The following PRKCZ variants were observed in gnomAD, a reference collection of about 807,000 sequenced individuals.
PRKCZ encodes protein kinase C zeta, also known as protein kinase C zeta type.
A neutral mutation model predicts 79.5 loss-of-function variants in PRKCZ; 33 were observed. The observed-to-expected ratio is 0.41, with a 90% CI of 0.31 to 0.55. PRKCZ has a LOEUF of 0.55. Ranked by LOEUF, PRKCZ falls within the 20% of genes least tolerant of loss-of-function variation. PRKCZ has a pLI of 0.19. For missense variants in PRKCZ, 578 were observed against 813.5 expected, an observed-to-expected ratio of 0.71 and a Z score of 3.52; for synonymous variants, 342 against 320.9, an observed-to-expected ratio of 1.07 and a Z score of -0.70.
In PRKCZ at chr1:2,144,198, T is replaced by A. The variant is rs1384231290; in HGVS notation, c.421-12T>A. 2 of 1,551,334 alleles carry A rather than the reference T, an allele frequency of 1.3e-6. No individual in the cohort carries two copies. The highest frequency in any genetic ancestry group is 1.7e-6 in the Non-Finnish European group (2 of 1,146,762). On this transcript the variant is annotated splice_polypyrimidine_tract_variant and intron_variant, in intron 5 of 17. Coordinates refer to ENST00000378567, the MANE Select transcript of PRKCZ (RefSeq NM_002744.6). ...GTGTGGCCTGGGCCTGACGCTCTGT[T>A]CCCACCTGCAGAGAGCGTACTGCGG...
chr1:2,065,138 T>C (rs1224652725), intron 4 of PRKCZ, among the ~76,000 whole-genome samples: 1 of 152,242 alleles, frequency 6.6e-6, no homozygotes, highest in Non-Finnish European at 1.5e-5. Flanking sequence ...GATTTCCCTT[T>C]TGCGTTGTTT....
intron 3 of PRKCZ, 52 bp from the exon 4 acceptor site, chr1:2,059,489 T>C (rs1660474539): frequency 6.2e-7 from 1 of 1,603,448 alleles, no homozygotes; most frequent in Admixed American, 1.7e-5. Flanking sequence ...CGTGAGACTG[T>C]TGAGTGGCAG....
At chr1:2,088,655 TAGG>T (rs1664950972) in intron 4 of PRKCZ, among the ~76,000 whole-genome samples, 1 of 152,176 alleles carries the variant, frequency 6.6e-6, no homozygotes, top group African/African-American at 2.4e-5. Flanking sequence ...CTCTCCTTTC[TAGG>T]TCAGGCTGTG....
At chr1:2,121,191 T>TGTAA (rs1671811912) in intron 4 of PRKCZ, among the ~76,000 whole-genome samples, 1 of 152,324 alleles carries the variant, frequency 6.6e-6, no homozygotes, top group East Asian at 1.9e-4. Context: ...TACATCCCAA[T>TGTAA]GGCCCCAGAA....
chr1:2,098,893 G>A lies in PRKCZ; in HGVS notation c.335-36369G>A, dbSNP rs200492239. On this transcript the variant is annotated intron_variant, in intron 4 of 17. Transcript: ENST00000378567. ...AGATGGGGTTTCACCATGTTAGCCAGGATGGTCTTGATTTCCTGACCTCGT... is the reference window on the plus strand; with the variant it reads ...AGATGGGGTTTCACCATGTTAGCCAAGATGGTCTTGATTTCCTGACCTCGT... 2.4e-4 allele frequency among the ~76,000 whole-genome samples: 36 copies of A among 152,284 alleles called. No homozygotes were observed. In the East Asian group the frequency reaches 6.4e-3, roughly 27 times the overall value.
intron 4 of PRKCZ, among the ~76,000 whole-genome samples, chr1:2,078,504 A>G (rs186164375): frequency 1.1e-4 from 16 of 152,148 alleles, no homozygotes; most frequent in Non-Finnish European, 4.4e-5. Flanking sequence ...CAGGGTTCTC[A>G]AGTTTCATGA....
intron 5 of PRKCZ, among the ~76,000 whole-genome samples, chr1:2,135,836 A>G (rs1426282132): frequency 3.3e-5 from 5 of 152,176 alleles, no homozygotes; most frequent in African/African-American, 1.2e-4. Context: ...GAGGACACTT[A>G]GCTTATTTTC....
chr1:2,071,415 C>G, intron 4 of PRKCZ: 2 of 394,784 alleles, frequency 5.1e-6, no homozygotes, highest in South Asian at 1.8e-5. Context: ...ACAGTGGGGA[C>G]GCTGCTGGTG....
chr1:2,159,389 G>A (rs1011387904), intron 10 of PRKCZ, among the ~76,000 whole-genome samples: 3 of 152,258 alleles, frequency 2.0e-5, no homozygotes, highest in African/African-American at 7.2e-5. Flanking sequence ...GGTTCTGCTG[G>A]AACATCCAGC....
At chr1:2,076,416 G>A (rs1463785462) in intron 4 of PRKCZ, among the ~76,000 whole-genome samples, 25 of 152,202 alleles carry the variant, frequency 1.6e-4, no homozygotes, top group Admixed American at 1.6e-3. Context: ...TGGGCCTCCA[G>A]AAATGTTTGT....
chr1:2,146,996 A>G (rs1411279713), intron 7 of PRKCZ, among the ~76,000 whole-genome samples: 1 of 151,012 alleles, frequency 6.6e-6, no homozygotes, highest in African/African-American at 2.4e-5. Context: ...CGATCCATCC[A>G]TCTCGTCATC....
chr1:2,171,415 G>T (rs1684412623), intron 11 of PRKCZ: 1 of 149,602 alleles, frequency 6.7e-6, no homozygotes, highest in South Asian at 2.2e-4. Flanking sequence ...ACCCAGGCTG[G>T]AATGCAGTGG....
At chr1:2,080,166 C>T (rs957797233) in intron 4 of PRKCZ, among the ~76,000 whole-genome samples, 5 of 152,178 alleles carry the variant, frequency 3.3e-5, no homozygotes, top group South Asian at 4.1e-4. Flanking sequence ...TTTGCTGTTA[C>T]GGGTTTTTTG....
chr1:2,056,621 C>T (rs1227789450), intron 3 of PRKCZ, 48 bp downstream of exon 3: 1 of 1,516,318 alleles, frequency 6.6e-7, no homozygotes, highest in Admixed American at 1.7e-5. Context: ...CTGTTCCTGG[C>T]TGTGGGTGTC....
rs1663825360 is a variant in PRKCZ, at chr1:2,082,868, T to TGAGGGAGAGGGTGGAGGGGG, written c.334+23278_334+23279insAGGGAGAGGGTGGAGGGGGG. On this transcript the variant is annotated intron_variant, in intron 4 of 17. Transcript: ENST00000378567. The surrounding 1 kb of genome is among the most constrained non-coding windows in gnomAD (Gnocchi z 4.4). The stretch of plus-strand genomic sequence containing the variant: ...GGGCGTGAGGGAGAGGGTGGAGGGG[T>TGAGGGAGAGGGTGGAGGGGG]GGTGTGAGGGTGCAAGGGAGAGGGT... Among the ~76,000 whole-genome samples the TGAGGGAGAGGGTGGAGGGGG allele has an allele frequency of 7.4e-6, 1 of 135,680 alleles. No individual in the cohort carries two copies. Among genetic ancestry groups the TGAGGGAGAGGGTGGAGGGGG allele is most frequent in the African/African-American group, 2.8e-5 (1 of 35,416 alleles). 89.0% of individuals were successfully genotyped at this position (135,680 alleles called of 152,430 possible).
chr1:2,058,195 G>T (rs533715299), intron 3 of PRKCZ, among the ~76,000 whole-genome samples: 1 of 151,916 alleles, frequency 6.6e-6, no homozygotes, highest in Non-Finnish European at 1.5e-5. Flanking sequence ...TAGAGATGGG[G>T]TCTCGCCATG....
At chr1:2,156,430 A>G (rs1571884255) in intron 10 of PRKCZ, 1 of 245,874 alleles carries the variant, frequency 4.1e-6, no homozygotes, top group East Asian at 9.2e-5. Context: ...TTCAAGCTTT[A>G]TATATACTGG....
chr1:2,055,872 T>G, intron 2 of PRKCZ: 2 of 281,962 alleles, frequency 7.1e-6, no homozygotes, highest in Non-Finnish European at 1.3e-5. Flanking sequence ...TCCTGGCCTT[T>G]TTCGGTAGGT....
Position 2,050,609 on chromosome 1 carries a change from A to T in PRKCZ, c.-22A>T. 8.2e-7 allele frequency: 1 copy of T among 1,216,936 alleles called. No individual in the cohort carries two copies. The highest frequency in any genetic ancestry group is 1.0e-6 in the Non-Finnish European group (1 of 977,224). 75.4% of individuals were successfully genotyped at this position (1,216,936 alleles called of 1,614,324 possible). On this transcript the variant is annotated 5_prime_UTR_variant, in exon 1 of 18. It removes the in-frame stop codon of an upstream open reading frame in the 5' UTR. Coordinates refer to ENST00000378567, the MANE Select transcript of PRKCZ (RefSeq NM_002744.6). ...CCGGAGCTCCCGGGGCGCAGCGCTG[A>T]CGGCGGCGGGGGGAGCGCGCCATGC...
Sources: allele counts gnomAD v4.1 joint callset (sites outside exome capture counted in the v4.1 genomes callset), GRCh38; gene constraint gnomAD v4.1.1; non-coding constraint Gnocchi (gnomAD v3.1); transcripts MANE v1.5; gene names NCBI Gene and HGNC (gene_info 2026-07-23, HGNC 2026-07-21).